Variants in PCDHGB2 observed in about 807,000 individuals in gnomAD.
PCDHGB2 encodes the protein protocadherin gamma subfamily B, 2.
Under a neutral mutation model 59.3 loss-of-function variants are expected in PCDHGB2, and 55 were observed. That is an observed-to-expected ratio of 0.93 (90% confidence interval 0.75 to 1.16). The LOEUF is 1.16. Among genes scored for constraint, PCDHGB2 ranks in the 50% most tolerant of loss-of-function variants. The pLI is 0.00. For missense variants in PCDHGB2, 1,228 were observed against 1,198.5 expected, an observed-to-expected ratio of 1.02 and a Z score of -0.36; for synonymous variants, 516 against 512.0, an observed-to-expected ratio of 1.01 and a Z score of -0.11.
chr5:141,401,587 T>C (rs1455949609), intron 1 of PCDHGB2, among the ~76,000 whole-genome samples: 3 of 152,226 alleles, frequency 2.0e-5, no homozygotes, highest in Non-Finnish European at 2.9e-5. Context: ...TCCTGACATA[T>C]TCTTGAAGAA....
At position 141,476,513 on chromosome 5, in the gene PCDHGB2, C is replaced by T; in HGVS notation, c.2422-18294C>T. 1 of 1,614,196 alleles carries T rather than the reference C, an allele frequency of 6.2e-7. No individual in the cohort carries two copies. Among genetic ancestry groups the T allele is most frequent in the Non-Finnish European group, 8.5e-7 (1 of 1,180,034 alleles). On this transcript the variant is annotated intron_variant, in intron 1 of 3. Coordinates refer to ENST00000522605, the MANE Select transcript of PCDHGB2 (RefSeq NM_018923.3). The surrounding 1 kb of genome is among the most constrained non-coding windows in gnomAD (Gnocchi z 7.6). ...GATCCAGGACATCAACGACAACAAT[C>T]CTGCTTTCCCTACCCAGGAAATGAA...
At chr5:141,469,770 A>G (rs1003620088) in intron 1 of PCDHGB2, among the ~76,000 whole-genome samples, 4 of 152,234 alleles carry the variant, frequency 2.6e-5, no homozygotes, top group Non-Finnish European at 5.9e-5. Flanking sequence ...ATACCAGCTT[A>G]TTTATTACAG....
rs756658304 is a variant in PCDHGB2, at chr5:141,485,531, G to C, written c.2422-9276G>C. 6.8e-6 allele frequency: 11 copies of C among 1,614,218 alleles called. No homozygotes were observed. In the Admixed American group the frequency reaches 1.5e-4, roughly 22 times the overall value. On this transcript the variant is annotated intron_variant, in intron 1 of 3. Transcript: ENST00000522605. This position sits in a 1 kb window ranked among gnomAD's most constrained non-coding sequence, Gnocchi z 5.7. ...AGGTCCTTTGGAAATGTACCGAGCA[G>C]AGGTAGAGATCGTAGATGTGAATGA... is the stretch of plus-strand genomic sequence containing the variant.
At position 141,377,829 on chromosome 5, in the gene PCDHGB2, C is replaced by A. The variant is rs970459356; in HGVS notation, c.2421+15273C>A. On this transcript the variant is annotated intron_variant, in intron 1 of 3. Transcript: ENST00000522605. ...GTTATTTACTTGGGCCAGTTACAAT[C>A]GCCATTATCTTCCAATTAAAATTAA... 4 of 152,110 alleles carry A rather than the reference C, an allele frequency of 2.6e-5. No individual in the cohort carries two copies. In the South Asian group the frequency reaches 6.2e-4, roughly 24 times the overall value. The allele number at this position is 152,110 out of a possible 1,614,324, so 9.4% of individuals were successfully genotyped here.
chr5:141,410,793 G>T, intron 1 of PCDHGB2: 2 of 637,704 alleles, frequency 3.1e-6, no homozygotes, highest in Admixed American at 4.3e-5. Flanking sequence ...TGGTTCATAA[G>T]TTGCTCTATC....
chr5:141,384,249 C>T (rs886257445), intron 1 of PCDHGB2: 20 of 1,613,790 alleles, frequency 1.2e-5, no homozygotes, highest in Admixed American at 1.7e-5. Flanking sequence ...ATAACCCACC[C>T]ACCTTCCCCC....
chr5:141,408,609 AG>A, intron 1 of PCDHGB2: 3 of 1,614,088 alleles, frequency 1.9e-6, no homozygotes, highest in Non-Finnish European at 1.7e-6. Context: ...TTTGATAAAA[AG>A]GAAATACATT....
At chr5:141,421,564 G>C in intron 1 of PCDHGB2, 1 of 1,613,982 alleles carries the variant, frequency 6.2e-7, no homozygotes, top group Non-Finnish European at 8.5e-7. Context: ...TCTCGTGGAA[G>C]ACACCTTGAA....
At chr5:141,399,473 A>G (rs2093815825) in intron 1 of PCDHGB2, 2 of 1,613,996 alleles carry the variant, frequency 1.2e-6, no homozygotes, top group Non-Finnish European at 1.7e-6. Context: ...CCGGTTTTCC[A>G]CCAGGCGTCC....
chr5:141,501,335 C>CA (rs2099808433), intron 2 of PCDHGB2, among the ~76,000 whole-genome samples: 1 of 135,634 alleles, frequency 7.4e-6, no homozygotes, highest in Non-Finnish European at 1.6e-5. Context: ...ACACACACAC[C>CA]CCAAACTCAA....
chr5:141,480,336 G>A (rs755963190), intron 1 of PCDHGB2, among the ~76,000 whole-genome samples: 1 of 151,988 alleles, frequency 6.6e-6, no homozygotes, highest in Non-Finnish European at 1.5e-5. Flanking sequence ...AATTGCTTGA[G>A]CCTGGGAGGT....
At chr5:141,499,184 A>G (rs2099789986) in intron 2 of PCDHGB2, among the ~76,000 whole-genome samples, 1 of 151,726 alleles carries the variant, frequency 6.6e-6, no homozygotes, top group African/African-American at 2.4e-5. Context: ...CCAGCAAACC[A>G]TTTCCCCCTT....
In PCDHGB2 at chr5:141,431,766, C is replaced by T. The variant is rs1474420822; in HGVS notation, c.2422-63041C>T. Reference sequence around the variant, plus strand: ...TCTGCGCGAGCCAAAGTCCTGATCACTGTTCTGGACGTGAACGACAATGCC... The same window carrying T: ...TCTGCGCGAGCCAAAGTCCTGATCATTGTTCTGGACGTGAACGACAATGCC... On this transcript the variant is annotated intron_variant, in intron 1 of 3. Transcript: ENST00000522605. The surrounding 1 kb of genome is among the most constrained non-coding windows in gnomAD (Gnocchi z 4.8). 2.5e-6 allele frequency: 4 copies of T among 1,614,196 alleles called. No individual in the cohort carries two copies. Among genetic ancestry groups the T allele is most frequent in the Non-Finnish European group, 3.4e-6 (4 of 1,180,010 alleles).
intron 1 of PCDHGB2, chr5:141,390,939 A>G (rs572047279): frequency 6.6e-6 from 1 of 152,412 alleles, no homozygotes; most frequent in Admixed American, 6.5e-5. Context: ...TTAGAAGATC[A>G]AAAGCAGATT....
Position 141,455,633 on chromosome 5 carries a change from G to A in PCDHGB2, c.2422-39174G>A, listed in dbSNP as rs1049071525. On this transcript the variant is annotated intron_variant, in intron 1 of 3. Coordinates refer to ENST00000522605, the MANE Select transcript of PCDHGB2 (RefSeq NM_018923.3). ...ATGTTCTAAACACGTGGAGATATGT[G>A]GGGGGCAGCCATGTGGCCAGGAACT... Among the ~76,000 whole-genome samples, 19 of 152,198 alleles carry A rather than the reference G, an allele frequency of 1.2e-4. No homozygotes were observed. In the East Asian group the frequency reaches 3.1e-3, roughly 25 times the overall value.
chr5:141,505,252 C>T (rs2099844831), intron 2 of PCDHGB2, 141 bp from the exon 3 acceptor site: 1 of 1,454,140 alleles, frequency 6.9e-7, no homozygotes, highest in Non-Finnish European at 9.2e-7. Context: ...TGTAGAAGTG[C>T]CTCCTACCTT....
In PCDHGB2 at chr5:141,490,462, ACCAG is replaced by A; in HGVS notation, c.2422-4338_2422-4335del. On this transcript the variant is annotated intron_variant, in intron 1 of 3. Coordinates refer to ENST00000522605, the MANE Select transcript of PCDHGB2 (RefSeq NM_018923.3). The surrounding 1 kb of genome is among the most constrained non-coding windows in gnomAD (Gnocchi z 5.4). ...TTCTGAGAACCACTACTCGCTGCTA[ACCAG>A]CCAGCCTTTGGACCGGGAGGCCACA... 1 of 1,614,198 alleles carries A rather than the reference ACCAG, an allele frequency of 6.2e-7. No homozygotes were observed.
At chr5:141,374,286 C>G (rs778269128) in intron 1 of PCDHGB2, 1 of 1,613,980 alleles carries the variant, frequency 6.2e-7, no homozygotes, top group East Asian at 2.2e-5. Flanking sequence ...CGCATCGTCT[C>G]CAGAGGTAGG....
chr5:141,438,806 C>T (rs866521707), intron 1 of PCDHGB2, among the ~76,000 whole-genome samples: 20 of 149,390 alleles, frequency 1.3e-4, no homozygotes, highest in Admixed American at 6.7e-4. Flanking sequence ...GGATTACAGG[C>T]GCCTGTCACC....
Sources: gnomAD v4.1 joint callset for allele counts (sites outside exome capture counted in the v4.1 genomes callset) on GRCh38, gnomAD v4.1.1 for gene constraint, Gnocchi (gnomAD v3.1) non-coding constraint, MANE v1.5 for transcripts, NCBI Gene and HGNC (gene_info 2026-07-23, HGNC 2026-07-21) for gene names.